Variants in ANO3 observed in about 807,000 individuals in gnomAD.
The protein encoded by ANO3 is anoctamin-3.
A neutral mutation model predicts 144.8 loss-of-function variants in ANO3; 99 were observed. The ratio of observed to expected loss-of-function variants is 0.68; its 90% CI spans 0.58 to 0.81. The LOEUF is 0.81. Ranked by LOEUF, ANO3 falls within the 30% of genes least tolerant of loss-of-function variation. ANO3 has a pLI of 0.00. For missense variants in ANO3, 905 were observed against 1,202.2 expected (o/e 0.75, Z 3.66); for synonymous variants, 414 against 392.6 (o/e 1.05, Z -0.64).
chr11:26,443,093 T>C (rs1439953371), intron 2 of ANO3, among the ~76,000 whole-genome samples: 1 of 152,172 alleles, frequency 6.6e-6, no homozygotes, highest in Non-Finnish European at 1.5e-5. Context: ...CTTTTGTTGC[T>C]TTTTCTTATA....
At chr11:26,302,183 T>A (rs994299056) in intron 1 of ANO3, among the ~76,000 whole-genome samples, 1 of 152,046 alleles carries the variant, frequency 6.6e-6, no homozygotes, top group African/African-American at 2.4e-5. Flanking sequence ...AAAAAGTGGT[T>A]AGTGTATGAG....
intron 1 of ANO3, among the ~76,000 whole-genome samples, chr11:26,301,494 T>C (rs1220157930): frequency 6.6e-6 from 1 of 152,178 alleles, no homozygotes; most frequent in African/African-American, 2.4e-5. Flanking sequence ...TTTGTACTGT[T>C]TTAGGTTTCT....
intron 4 of ANO3, among the ~76,000 whole-genome samples, chr11:26,504,442 C>T (rs1387998788): frequency 6.6e-6 from 1 of 151,888 alleles, no homozygotes; most frequent in African/African-American, 2.4e-5. Flanking sequence ...CTATGTAAAC[C>T]AAAAAGTTAA....
chr11:26,541,533 T>C (rs1342337861), intron 10 of ANO3, among the ~76,000 whole-genome samples: 1 of 152,246 alleles, frequency 6.6e-6, no homozygotes, highest in East Asian at 1.9e-4. Flanking sequence ...CCTTAGCTTA[T>C]AAAAATGGAA....
intron 1 of ANO3, among the ~76,000 whole-genome samples, chr11:26,353,417 G>A (rs1294639588): frequency 1.3e-5 from 2 of 152,124 alleles, no homozygotes; most frequent in Non-Finnish European, 2.9e-5. Flanking sequence ...TAGTCATGTG[G>A]AACTGCTGCC....
chr11:26,646,266 C>A (rs10501058), intron 23 of ANO3, among the ~76,000 whole-genome samples: 66,577 of 151,820 alleles, frequency 0.44, 16,360 homozygotes, highest in South Asian at 0.64. Context: ...TACTGATACA[C>A]CATAAATTTT....
intron 17 of ANO3, among the ~76,000 whole-genome samples, chr11:26,618,826 G>A (rs962525776): frequency 3.4e-4 from 52 of 152,114 alleles, no homozygotes; most frequent in African/African-American, 1.2e-3. Context: ...TGTCTCCTTG[G>A]TGAATATCTC....
intron 1 of ANO3, among the ~76,000 whole-genome samples, chr11:26,233,450 T>G (rs983021179): frequency 6.6e-6 from 1 of 152,142 alleles, no homozygotes; most frequent in Non-Finnish European, 1.5e-5. Context: ...TGACAGATGC[T>G]GGAAAGGATG....
intron 1 of ANO3, among the ~76,000 whole-genome samples, chr11:26,296,274 G>GT (rs1321061430): frequency 2.0e-5 from 3 of 152,158 alleles, no homozygotes; most frequent in African/African-American, 4.8e-5. Flanking sequence ...CAAGTTGGCA[G>GT]TTTTTTATCA....
intron 1 of ANO3, among the ~76,000 whole-genome samples, chr11:26,299,062 A>G (rs997952721): frequency 6.6e-6 from 1 of 152,230 alleles, no homozygotes; most frequent in African/African-American, 2.4e-5. Flanking sequence ...GAAGATGTAT[A>G]AAACCATGAG....
intron 6 of ANO3, among the ~76,000 whole-genome samples, chr11:26,520,584 G>C (rs1862035630): frequency 6.6e-6 from 1 of 152,120 alleles, no homozygotes. Flanking sequence ...CAAAGTATTA[G>C]TAGTTCAACA....
At chr11:26,593,656 G>A (rs1197286139) in intron 14 of ANO3, among the ~76,000 whole-genome samples, 2 of 152,182 alleles carry the variant, frequency 1.3e-5, no homozygotes, top group Non-Finnish European at 2.9e-5. Flanking sequence ...CTGGGGAAGT[G>A]GGCCTTCCAG....
In ANO3 at chr11:26,534,529, C is replaced by T. The variant is rs762835721; in HGVS notation, c.943C>T (p.Arg315Cys). The T allele has an allele frequency of 1.2e-5, 19 of 1,612,144 alleles. No homozygotes were observed. The highest frequency in any genetic ancestry group is 2.2e-5 in the South Asian group (2 of 90,882). ...RSRIVYHMLERTKYENGISKV... is the reference protein window; with the variant it reads ...RSRIVYHMLECTKYENGISKV... ...CAGAATAGTCTATCACATGCTGGAA[C>T]GCACCAAATATGAAAATGGAATATC... Residue 315 changes from arginine to cysteine, a missense_variant, in exon 9 of 27, where the codon CGC (arginine) becomes TGC (cysteine). By Grantham distance (180) the Arg-to-Cys change is radical. This residue lies in a region of ANO3 where 597 missense variants were observed against 865.1 expected (regional missense o/e 0.69). Coordinates refer to ENST00000256737, the MANE Select transcript of ANO3 (RefSeq NM_031418.4).
rs1851737703 is a variant in ANO3, at chr11:26,599,722, T to C, written c.1836+8T>C. ...ATTATGTTGCTGAATCTTGTAAGTG[T>C]CTATAATGTTATTCTTCAGTAGACA... On this transcript the variant is annotated splice_region_variant and intron_variant, in intron 17 of 26. Transcript: ENST00000256737. The C allele has an allele frequency of 1.2e-6, 2 of 1,610,480 alleles. No individual in the cohort carries two copies. Among genetic ancestry groups the C allele is most frequent in the African/African-American group, 2.7e-5 (2 of 74,992 alleles).
chr11:26,385,171 A>G, intron 1 of ANO3, among the ~76,000 whole-genome samples: 1 of 152,258 alleles, frequency 6.6e-6, no homozygotes, highest in East Asian at 1.9e-4. Flanking sequence ...TTGATTCACT[A>G]GATGGAAAAA....
At chr11:26,328,681 G>A (rs987601751), upstream of ANO3, among the ~76,000 whole-genome samples, 4 of 152,316 alleles carry the variant, frequency 2.6e-5, no homozygotes, top group Admixed American at 1.3e-4. Context: ...CAGGTTGTGA[G>A]TTGTGGGGAG....
chr11:26,240,172 T>G (rs1045840581), intron 1 of ANO3, among the ~76,000 whole-genome samples: 4 of 152,232 alleles, frequency 2.6e-5, no homozygotes, highest in African/African-American at 9.6e-5. Context: ...AGTGACTTTA[T>G]TCCTTTTCAA....
chr11:26,586,503 CTTTTTTTT>C (rs550057766), intron 14 of ANO3, among the ~76,000 whole-genome samples: 1 of 81,454 alleles, frequency 1.2e-5, no homozygotes, highest in Non-Finnish European at 2.2e-5. Flanking sequence ...TGGTGAGAAT[CTTTTTTTT>C]TTTTTTTTTT....
At chr11:26,515,109 T>C (rs949921156) in intron 5 of ANO3, among the ~76,000 whole-genome samples, 4 of 152,070 alleles carry the variant, frequency 2.6e-5, no homozygotes, top group African/African-American at 9.7e-5. Flanking sequence ...TTGAGATATA[T>C]TATGTTTACT....
Sources: gnomAD v4.1 joint callset for allele counts (sites outside exome capture counted in the v4.1 genomes callset) on GRCh38, gnomAD v4.1.1 for gene constraint, gnomAD v4.1.1 regional missense constraint, MANE v1.5 for transcripts, NCBI Gene and HGNC (gene_info 2026-07-23, HGNC 2026-07-21) for gene names.